Variants in DLG2 observed in about 807,000 individuals in gnomAD.
DLG2 encodes disks large homolog 2.
A neutral mutation model predicts 132.5 loss-of-function variants in DLG2; 45 were observed. The ratio of observed to expected loss-of-function variants is 0.34; its 90% confidence interval spans 0.27 to 0.44. The LOEUF is 0.44. Ranked by LOEUF, DLG2 falls within the 20% of genes least tolerant of loss-of-function variation. The probability of loss-of-function intolerance (pLI) is 1.00; values close to 1 mark genes in which losing one functional copy is unlikely to be tolerated. For synonymous variants in DLG2, 424 were observed against 419.6 expected (o/e 1.01, Z -0.13); for missense variants, 1,045 against 1,196.9 (o/e 0.87, Z 1.87).
chr11:84,912,383 C>G (rs529153320), intron 6 of DLG2, among the ~76,000 whole-genome samples: 3 of 152,328 alleles, frequency 2.0e-5, no homozygotes, highest in Non-Finnish European at 2.9e-5. Flanking sequence ...GTCTCGATCT[C>G]CTGATCTTGT....
intron 6 of DLG2, among the ~76,000 whole-genome samples, chr11:84,552,435 C>T (rs1001565628): frequency 1.1e-4 from 17 of 152,152 alleles, no homozygotes; most frequent in Admixed American, 2.0e-4. Context: ...TTGTTACCTT[C>T]CACATGCCTT....
intron 3 of DLG2, among the ~76,000 whole-genome samples, chr11:85,430,632 T>TGA (rs2091111005): frequency 6.6e-6 from 1 of 152,106 alleles, no homozygotes; most frequent in African/African-American, 2.4e-5. Context: ...CCAAAATATT[T>TGA]GCTTGGTAGC....
intron 7 of DLG2, among the ~76,000 whole-genome samples, chr11:84,301,328 G>T (rs932790685): frequency 6.6e-6 from 1 of 152,106 alleles, no homozygotes; most frequent in Non-Finnish European, 1.5e-5. Flanking sequence ...ACCACAATGA[G>T]ATACCATCTC....
chr11:84,363,341 AC>A (rs2098662176), intron 7 of DLG2, among the ~76,000 whole-genome samples: 3 of 151,390 alleles, frequency 2.0e-5, no homozygotes, highest in South Asian at 2.1e-4. Flanking sequence ...TCCTTCGCCC[AC>A]TTTTTGATGG....
rs1389150733 is a variant in DLG2 at position 85,619,108 on chromosome 11, T to C, written c.-93+7479A>G. ...TTCTCATTCTGGAATTCATTCTATT[T>C]ATGCCTCCTGGATTAATTAATATTT... On this transcript the variant is annotated intron_variant, in intron 2 of 27. Transcript: ENST00000376104. Among the ~76,000 whole-genome samples the C allele has an allele frequency of 5.2e-5, 8 of 152,388 alleles. No homozygotes were observed. In the East Asian group the frequency reaches 1.3e-3, roughly 26 times the overall value.
chr11:84,245,548 T>C (rs2097292223), intron 8 of DLG2, among the ~76,000 whole-genome samples: 2 of 152,180 alleles, frequency 1.3e-5, no homozygotes, highest in African/African-American at 4.8e-5. Context: ...CTGAAACTTC[T>C]CCCTTGTCTC....
intron 4 of DLG2, among the ~76,000 whole-genome samples, chr11:85,273,768 G>T (rs2077701646): frequency 6.6e-6 from 1 of 152,180 alleles, no homozygotes; most frequent in African/African-American, 2.4e-5. Flanking sequence ...TATACCCAAA[G>T]GATTATAAAT....
At chr11:84,362,114 A>G (rs924347629) in intron 7 of DLG2, among the ~76,000 whole-genome samples, 3 of 151,986 alleles carry the variant, frequency 2.0e-5, no homozygotes, top group Non-Finnish European at 4.4e-5. Context: ...TGGATTGAAT[A>G]AAAAAGCAAA....
intron 16 of DLG2, among the ~76,000 whole-genome samples, chr11:83,868,075 G>A (rs761395471): frequency 1.4e-4 from 21 of 152,186 alleles, no homozygotes; most frequent in African/African-American, 4.8e-4. Flanking sequence ...AAGGAAGCAC[G>A]TGATGCTGAA....
At chr11:83,547,091 A>G (rs1470270102) in intron 19 of DLG2, among the ~76,000 whole-genome samples, 2 of 152,104 alleles carry the variant, frequency 1.3e-5, no homozygotes, top group African/African-American at 4.8e-5. Context: ...ATATTTAACA[A>G]TCATGGACCT....
intron 19 of DLG2, chr11:83,632,828 G>A (rs558007621): frequency 1.0e-5 from 2 of 194,560 alleles, no homozygotes; most frequent in East Asian, 2.6e-4. Context: ...GTATCAGGCA[G>A]GTTAGGAGAT....
At chr11:84,792,926 G>C (rs535299629) in intron 6 of DLG2, among the ~76,000 whole-genome samples, 1 of 151,858 alleles carries the variant, frequency 6.6e-6, no homozygotes, top group African/African-American at 2.4e-5. Flanking sequence ...ATTTGTGCTT[G>C]TATCTTTATT....
chr11:84,532,445 T>G (rs2099345109), intron 7 of DLG2, among the ~76,000 whole-genome samples: 1 of 151,990 alleles, frequency 6.6e-6, no homozygotes, highest in Admixed American at 6.6e-5. Flanking sequence ...TAGAGGTGAT[T>G]AAGGAGGAAA....
chr11:83,635,195 C>T (rs755895186), intron 18 of DLG2, among the ~76,000 whole-genome samples: 1 of 152,122 alleles, frequency 6.6e-6, no homozygotes, highest in Non-Finnish European at 1.5e-5. Context: ...GACTTATGAT[C>T]TCACCACTGC....
intron 6 of DLG2, chr11:84,955,825 G>T (rs938262922): frequency 2.6e-5 from 4 of 152,170 alleles, no homozygotes; most frequent in African/African-American, 9.7e-5. Context: ...AAATACTGAT[G>T]AGGAAATAAC....
intron 3 of DLG2, among the ~76,000 whole-genome samples, chr11:85,483,256 C>T (rs753928388): frequency 6.6e-6 from 1 of 152,062 alleles, no homozygotes; most frequent in Non-Finnish European, 1.5e-5. Flanking sequence ...ATAAGGCTAG[C>T]AACAAATTTC....
At chr11:84,318,093 G>A (rs887980335) in intron 7 of DLG2, among the ~76,000 whole-genome samples, 1 of 152,152 alleles carries the variant, frequency 6.6e-6, no homozygotes, top group African/African-American at 2.4e-5. Flanking sequence ...GCGTTTTAAA[G>A]TGAAAGATGC....
At chr11:85,069,651 T>G (rs2065495413) in intron 6 of DLG2, among the ~76,000 whole-genome samples, 1 of 151,954 alleles carries the variant, frequency 6.6e-6, no homozygotes, top group African/African-American at 2.4e-5. Context: ...ATTCAGGAAA[T>G]AACAGATGCT....
intron 9 of DLG2, among the ~76,000 whole-genome samples, chr11:84,153,382 C>T (rs1008729322): frequency 1.3e-5 from 2 of 152,126 alleles, no homozygotes; most frequent in African/African-American, 2.4e-5. Context: ...TGCCTGTCAA[C>T]CTCTCTAGTG....
Sources: gnomAD v4.1 joint callset for allele counts (sites outside exome capture counted in the v4.1 genomes callset) on GRCh38, gnomAD v4.1.1 for gene constraint, MANE v1.5 for transcripts, NCBI Gene and HGNC (gene_info 2026-07-23, HGNC 2026-07-21) for gene names.